Variants in CACNA1C observed in about 807,000 individuals in gnomAD.
CACNA1C encodes calcium voltage-gated channel subunit alpha1 C, also known as voltage-dependent L-type calcium channel subunit alpha-1C.
In CACNA1C, 30 loss-of-function variants were observed where a neutral mutation model predicts 229.0. That is an observed-to-expected ratio of 0.13 (90% confidence interval 0.10 to 0.18). The LOEUF (loss-of-function observed/expected upper bound fraction) is 0.18. Among genes scored for constraint, CACNA1C ranks in the 10% least tolerant of loss-of-function variants. CACNA1C has a pLI of 1.00. For synonymous variants in CACNA1C, 1,114 were observed against 1,132.5 expected, an observed-to-expected ratio of 0.98 and a Z score of 0.33; for missense variants, 1,658 against 2,845.0, an observed-to-expected ratio of 0.58 and a Z score of 9.49.
intron 9 of CACNA1C, among the ~76,000 whole-genome samples, chr12:2,543,207 C>T (rs892784190): frequency 3.9e-5 from 6 of 152,162 alleles, no homozygotes; most frequent in African/African-American, 1.4e-4. Flanking sequence ...CCAGCATTCT[C>T]CTTCCCAGAT....
chr12:2,531,293 C>T (rs1286770748), intron 9 of CACNA1C, among the ~76,000 whole-genome samples: 1 of 152,170 alleles, frequency 6.6e-6, no homozygotes, highest in Non-Finnish European at 1.5e-5. Flanking sequence ...TGGTAACCCC[C>T]CAGAATCATG....
At position 2,512,469 on chromosome 12, in the gene CACNA1C, C is replaced by A. The variant is rs529280355; in HGVS notation, c.1218-343C>A. Among the ~76,000 whole-genome samples the A allele has an allele frequency of 6.6e-6, 1 of 152,102 alleles. No individual in the cohort carries two copies. Among genetic ancestry groups the A allele is most frequent in the Non-Finnish European group, 1.5e-5 (1 of 68,014 alleles). ...GGAGGTTTTTAGTTACTGCTTGGAA[C>A]GAGTTCCCAGGTCTTCGGAGAACAG... On this transcript the variant is annotated intron_variant, in intron 8 of 46. Transcript: ENST00000399655. The surrounding 1 kb of genome is among the most constrained non-coding windows in gnomAD (Gnocchi z 4.3).
chr12:2,312,287 C>G (rs1297997961), intron 3 of CACNA1C, among the ~76,000 whole-genome samples: 1 of 152,180 alleles, frequency 6.6e-6, no homozygotes, highest in African/African-American at 2.4e-5. Flanking sequence ...CTCTCTCCCC[C>G]AAAGGAGAAA....
At chr12:2,385,006 G>C (rs78368574) in intron 3 of CACNA1C, among the ~76,000 whole-genome samples, 2 of 152,310 alleles carry the variant, frequency 1.3e-5, no homozygotes, top group Non-Finnish European at 2.9e-5. Context: ...AAAGGAGGGA[G>C]ATGAGAGCGA....
chr12:2,113,374 A>G (rs1328975217), intron 1 of CACNA1C, among the ~76,000 whole-genome samples: 1 of 152,172 alleles, frequency 6.6e-6, no homozygotes, highest in African/African-American at 2.4e-5. Flanking sequence ...TTGGAGGTCA[A>G]ACATAGAAGG....
At chr12:1,986,346 G>A (rs926282438) in intron 1 of CACNA1C, among the ~76,000 whole-genome samples, 8 of 152,088 alleles carry the variant, frequency 5.3e-5, no homozygotes, top group Non-Finnish European at 1.2e-4. Context: ...CAGCTGTCAG[G>A]GGCCTTTTTC....
intron 3 of CACNA1C, among the ~76,000 whole-genome samples, chr12:2,161,481 G>T (rs2095851663): frequency 6.6e-6 from 1 of 152,140 alleles, no homozygotes; most frequent in Non-Finnish European, 1.5e-5. Flanking sequence ...TGTGCCAGGG[G>T]CCCCGCCTGT....
At chr12:2,131,949 C>T (rs954298561) in intron 3 of CACNA1C, among the ~76,000 whole-genome samples, 123 of 144,486 alleles carry the variant, frequency 8.5e-4, no homozygotes, top group African/African-American at 3.1e-3. Context: ...ATGGAATGTT[C>T]TTCCATTTGT....
intron 3 of CACNA1C, among the ~76,000 whole-genome samples, chr12:2,392,022 C>T (rs1184273803): frequency 6.6e-6 from 1 of 152,182 alleles, no homozygotes; most frequent in Non-Finnish European, 1.5e-5. Flanking sequence ...CACCATCTTC[C>T]TAATTCTGCC....
chr12:2,232,301 C>T (rs774186663), intron 3 of CACNA1C, among the ~76,000 whole-genome samples: 3 of 142,892 alleles, frequency 2.1e-5, no homozygotes, highest in Non-Finnish European at 3.0e-5. Flanking sequence ...TTGAAGAATC[C>T]GGGTCAGTTA....
At chr12:2,335,943 G>A (rs1374696398) in intron 3 of CACNA1C, among the ~76,000 whole-genome samples, 1 of 147,694 alleles carries the variant, frequency 6.8e-6, no homozygotes, top group African/African-American at 2.5e-5. Context: ...AGTACAAACA[G>A]TTTGCAAGTA....
At chr12:2,567,508 T>G (rs2051822312) in intron 12 of CACNA1C, 61 bp from the exon 13 acceptor site, 1 of 998,180 alleles carries the variant, frequency 1.0e-6, no homozygotes, top group Admixed American at 2.2e-5. Flanking sequence ...TTCCTTTCCC[T>G]GCCTCCCTCT....
chr12:2,500,296 C>T (rs2099756451), intron 7 of CACNA1C, among the ~76,000 whole-genome samples: 1 of 152,154 alleles, frequency 6.6e-6, no homozygotes, highest in African/African-American at 2.4e-5. Flanking sequence ...CTGTAGCTCC[C>T]CCTTTGAAGT....
intron 3 of CACNA1C, among the ~76,000 whole-genome samples, chr12:2,409,680 T>G (rs1019994322): frequency 2.6e-5 from 4 of 152,228 alleles, no homozygotes; most frequent in African/African-American, 9.6e-5. Context: ...GTCCTCTTTC[T>G]GTCTGCCACT....
chr12:2,449,579 A>G (rs1156372405), intron 4 of CACNA1C, among the ~76,000 whole-genome samples: 1 of 152,218 alleles, frequency 6.6e-6, no homozygotes, highest in Non-Finnish European at 1.5e-5. Flanking sequence ...AGGCAAGAAG[A>G]AAGGATCTGT....
intron 14 of CACNA1C, among the ~76,000 whole-genome samples, chr12:2,582,309 A>G (rs75386905): frequency 0.086 from 13,060 of 152,232 alleles, 600 homozygotes; most frequent in Middle Eastern, 0.099. Context: ...TAGCCCATCA[A>G]ATTTGTGATT....
Position 2,348,731 on chromosome 12 carries a change from C to T in CACNA1C, c.478-100245C>T, listed in dbSNP as rs1391629727. 1.3e-5 allele frequency among the ~76,000 whole-genome samples: 2 copies of T among 152,052 alleles called. No homozygotes were observed. The highest frequency in any genetic ancestry group is 6.6e-5 in the Admixed American group (1 of 15,266). ...GCCCTGGAGAAGGAGCTGGGAATGT[C>T]TCGGGGGAAAGGTTCCTTCCTCGGG... On this transcript the variant is annotated intron_variant, in intron 3 of 46. Transcript: ENST00000399655. The surrounding 1 kb of genome is among the most constrained non-coding windows in gnomAD (Gnocchi z 4.7).
chr12:2,311,215 T>C (rs1566990702), intron 3 of CACNA1C, among the ~76,000 whole-genome samples: 2 of 152,206 alleles, frequency 1.3e-5, no homozygotes, highest in Non-Finnish European at 2.9e-5. Context: ...CTCTGGTTCT[T>C]TGAGCAAATG....
chr12:2,098,396 G>A (rs557236329), intron 1 of CACNA1C, among the ~76,000 whole-genome samples: 2 of 152,168 alleles, frequency 1.3e-5, no homozygotes, highest in South Asian at 2.1e-4. Flanking sequence ...TTCTTTTGTC[G>A]TGCCTTAGTG....
Sources: allele counts gnomAD v4.1 joint callset (sites outside exome capture counted in the v4.1 genomes callset), GRCh38; gene constraint gnomAD v4.1.1; non-coding constraint Gnocchi (gnomAD v3.1); transcripts MANE v1.5; gene names NCBI Gene and HGNC (gene_info 2026-07-23, HGNC 2026-07-21).